CCDC78: variants seen among roughly 807,000 people sequenced by gnomAD.
CCDC78 encodes coiled-coil domain-containing protein 78.
A neutral mutation model predicts 61.9 loss-of-function variants in CCDC78; 78 were observed. The ratio of observed to expected loss-of-function variants is 1.26; its 90% CI spans 1.05 to 1.52. The LOEUF (loss-of-function observed/expected upper bound fraction) is 1.52, where lower values mean the gene tolerates loss of function less well. Among genes scored for constraint, CCDC78 ranks in the 40% most tolerant of loss-of-function variants. The pLI is 0.00. For synonymous variants in CCDC78, 287 were observed against 251.9 expected, an observed-to-expected ratio of 1.14 and a Z score of -1.32; for missense variants, 737 against 615.5, an observed-to-expected ratio of 1.20 and a Z score of -2.09.
At chr16:723,632 A>G (rs753857756) in intron 11 of CCDC78, 2 of 696,892 alleles carry the variant, frequency 2.9e-6, no homozygotes, top group South Asian at 3.0e-5. Flanking sequence ...CTCCGTGTTC[A>G]AGGCCAGCTC....
In CCDC78 at chr16:725,894, G is replaced by A. The variant is rs776154471; in HGVS notation, c.181-14C>T. On this transcript the variant is annotated splice_polypyrimidine_tract_variant and intron_variant, in intron 2 of 13. Transcript: ENST00000345165. The stretch of plus-strand genomic sequence containing the variant: ...CTCCTTGGAGATCTGTGGGTGGCCA[G>A]GTGAGAGGTGGCGTCTGTGGGCCCT... 1.1e-5 allele frequency: 17 copies of A among 1,604,472 alleles called. No homozygotes were observed. The highest frequency in any genetic ancestry group is 3.3e-4 in the Middle Eastern group (2 of 6,050).
chr16:723,773 G>A, intron 11 of CCDC78, 84 bp downstream of exon 11: 2 of 1,270,732 alleles, frequency 1.6e-6, no homozygotes, highest in Non-Finnish European at 2.2e-6. Flanking sequence ...GGGCTTGGTG[G>A]AGCAACTGGG....
chr16:723,945 GT>G lies in CCDC78; in HGVS notation c.1054-10del. ...GCCCCAGGCCCGCCGTGCTACAGAG[GT>G]TTGTGGTGGGGACGTTTCAGTTGGC... On this transcript the variant is annotated splice_polypyrimidine_tract_variant and intron_variant, in intron 10 of 13. Coordinates refer to ENST00000345165, the MANE Select transcript of CCDC78 (RefSeq NM_001378030.1). 1 of 1,602,856 alleles carries G rather than the reference GT, an allele frequency of 6.2e-7. No homozygotes were observed.
At chr16:726,276 A>G (rs2040930490) in intron 1 of CCDC78, 32 bp downstream of exon 1, 1 of 1,549,466 alleles carries the variant, frequency 6.5e-7, no homozygotes, top group Non-Finnish European at 8.7e-7. Context: ...CTTCAACCCC[A>G]TGGCAGGAGC....
At chr16:724,015 T>G (rs1010233950) in intron 10 of CCDC78, 79 bp from the exon 11 acceptor site, 55 of 1,584,924 alleles carry the variant, frequency 3.5e-5, no homozygotes, top group Non-Finnish European at 4.5e-5. Context: ...GAGGTCTCTG[T>G]TGAGCCCAGG....
chr16:726,548 G>T, upstream of CCDC78: 1 of 658,882 alleles, frequency 1.5e-6, no homozygotes. Flanking sequence ...AGGGAGGATA[G>T]CTCTTCCTCT....
rs532807407 is a variant in CCDC78, at chr16:723,087, C to T, written c.1200+8G>A. ...GAGGATGGGCCTGGGCCAGCCCTTG[C>T]CTCCTACCTGGGTGCTGCGGGAGAA... is the stretch of plus-strand genomic sequence containing the variant. On this transcript the variant is annotated splice_region_variant and intron_variant, in intron 12 of 13. Transcript: ENST00000345165. 4 of 1,612,758 alleles carry T rather than the reference C, an allele frequency of 2.5e-6. No individual in the cohort carries two copies. In the Admixed American group the frequency reaches 5.0e-5, roughly 20 times the overall value.
Position 724,312 on chromosome 16 carries a change from C to G in CCDC78, c.953+10G>C, listed in dbSNP as rs79863898. ...AGATGCCTGACACCTCCCATCCCAG[C>G]GGGGCCCACCTGTAGGCAACCAGTA... On this transcript the variant is annotated intron_variant, in intron 9 of 13. Transcript: ENST00000345165. The G allele has an allele frequency of 6.2e-7, 1 of 1,607,900 alleles. No homozygotes were observed. Among genetic ancestry groups the G allele is most frequent in the African/African-American group, 1.3e-5 (1 of 74,974 alleles).
chr16:725,322 A>T, intron 4 of CCDC78, 29 bp from the exon 5 acceptor site: 3 of 1,610,156 alleles, frequency 1.9e-6, no homozygotes, highest in Non-Finnish European at 1.7e-6. Flanking sequence ...AGGGAAAGCT[A>T]AGGGGTGGGT....
rs764699064 is a variant in CCDC78 at position 722,790 on chromosome 16, C to G, written c.1302-1G>C. The G allele has an allele frequency of 1.2e-6, 2 of 1,612,556 alleles. No homozygotes were observed. Among genetic ancestry groups the G allele is most frequent in the African/African-American group, 2.7e-5 (2 of 74,914 alleles). On this transcript the variant is annotated splice_acceptor_variant, in intron 13 of 13. Transcript: ENST00000345165. LOFTEE classifies it high-confidence loss of function. ...CAGCCTCAGGATTTCGTGCTTGTAC[C>G]TGCTCAGAGGAACCATGCTTAAGTG... is the stretch of plus-strand genomic sequence containing the variant.
At position 725,493 on chromosome 16, in the gene CCDC78, G is replaced by A; in HGVS notation, c.355C>T (p.Pro119Ser). 6.2e-7 allele frequency: 1 copy of A among 1,612,676 alleles called. No individual in the cohort carries two copies. Among genetic ancestry groups the A allele is most frequent in the Non-Finnish European group, 8.5e-7 (1 of 1,179,986 alleles). ...TGGGCTGCTGCCCGGGGATGCCTGG[G>A]GTCAGACTCCACTGGGACTGCACAG... ...QGCAVPVESD[P>S]RHPRAAAQEL... is the part of the protein sequence containing the mutation. Residue 119 changes from proline (P) to serine (S), a missense_variant, in exon 4 of 14, where the codon CCC becomes TCC. Physicochemically the swap from Pro to Ser is moderately conservative, Grantham distance 74 (BLOSUM62 -1). Coordinates refer to ENST00000345165, the MANE Select transcript of CCDC78 (RefSeq NM_001378030.1).
intron 11 of CCDC78, chr16:723,496 C>T: frequency 1.5e-6 from 1 of 675,574 alleles, no homozygotes; most frequent in Non-Finnish European, 2.7e-6. Context: ...GAGCCCTGCC[C>T]ATTGTACAGC....
rs1555487002 is a variant in CCDC78, at chr16:725,828, T to C, written c.233A>G (p.Gln78Arg). 6.2e-7 allele frequency: 1 copy of C among 1,611,126 alleles called. No homozygotes were observed. The highest frequency in any genetic ancestry group is 8.5e-7 in the Non-Finnish European group (1 of 1,178,820). Residue 78 changes from glutamine (Q) to arginine (R), a missense_variant, in exon 3 of 14, where the codon CAG becomes CGG. Physicochemically the swap from Gln to Arg is conservative, Grantham distance 43. Coordinates refer to ENST00000345165, the MANE Select transcript of CCDC78 (RefSeq NM_001378030.1). Reference sequence around the variant, plus strand: ...CAGCTGGAAGATTTCAGCCTCATGCTGCTCATGTAGGTGGTGGGTTGTGAT... The same window carrying C: ...CAGCTGGAAGATTTCAGCCTCATGCCGCTCATGTAGGTGGTGGGTTGTGAT... ...IQITTHHLHE[Q>R]HEAEIFQLKS... is the part of the protein sequence containing the mutation.
At position 722,643 on chromosome 16, in the gene CCDC78, G is replaced by A. The variant is rs1252817706; in HGVS notation, c.*35C>T. On this transcript the variant is annotated 3_prime_UTR_variant, in exon 14 of 14. Coordinates refer to ENST00000345165, the MANE Select transcript of CCDC78 (RefSeq NM_001378030.1). ...GGTGGGAGGGTTCTGTGCTGGCTGA[G>A]GAGCTCTGCTCTGCTCTGCTCCTTG... 3 of 1,591,802 alleles carry A rather than the reference G, an allele frequency of 1.9e-6. No individual in the cohort carries two copies. In the East Asian group the frequency reaches 6.7e-5, roughly 36 times the overall value.
At chr16:723,677 T>C (rs1335126062) in intron 11 of CCDC78, 180 bp downstream of exon 11, 1 of 705,682 alleles carries the variant, frequency 1.4e-6, no homozygotes, top group South Asian at 1.5e-5. Flanking sequence ...TTCCTGTGAT[T>C]ATCAGTGTCG....
chr16:722,805 A>G lies in CCDC78; in HGVS notation c.1302-16T>C, dbSNP rs1449479767. 2 of 1,612,466 alleles carry G rather than the reference A, an allele frequency of 1.2e-6. No homozygotes were observed. ...GTGCTTGTACCTGCTCAGAGGAACC[A>G]TGCTTAAGTGACTTGCCCAGCTGTG... On this transcript the variant is annotated splice_polypyrimidine_tract_variant and intron_variant, in intron 13 of 13. Coordinates refer to ENST00000345165, the MANE Select transcript of CCDC78 (RefSeq NM_001378030.1).
chr16:724,299 C>T lies in CCDC78; in HGVS notation c.953+23G>A, dbSNP rs1043057437. The stretch of plus-strand genomic sequence containing the variant: ...CTTAGAGACCCACAGATGCCTGACA[C>T]CTCCCATCCCAGCGGGGCCCACCTG... On this transcript the variant is annotated intron_variant, in intron 9 of 13. Coordinates refer to ENST00000345165, the MANE Select transcript of CCDC78 (RefSeq NM_001378030.1). 4.4e-6 allele frequency: 7 copies of T among 1,604,914 alleles called. No homozygotes were observed. In the Admixed American group the frequency reaches 5.0e-5, roughly 12 times the overall value.
intron 5 of CCDC78, 44 bp from the exon 6 acceptor site, chr16:725,189 G>C (rs1017515193): frequency 6.2e-7 from 1 of 1,611,578 alleles, no homozygotes; most frequent in African/African-American, 1.3e-5. Flanking sequence ...CTAGGCTTGG[G>C]GTCTCTGGTG....
In CCDC78 at chr16:723,338, C is replaced by T. The variant is rs575275180; in HGVS notation, c.1134-177G>A. ...GCCCCCCCCAGGCCTTGGAGCCATC[C>T]GTGTATAGGGACAGCCCGGGCCCAG... On this transcript the variant is annotated intron_variant, in intron 11 of 13. Transcript: ENST00000345165. 1.3e-4 allele frequency: 97 copies of T among 771,358 alleles called. 2 individuals are homozygous for T. The highest frequency in any genetic ancestry group is 1.2e-3 in the South Asian group (83 of 68,142). The allele number at this position is 771,358 out of a possible 1,614,324, so 47.8% of individuals were successfully genotyped here.
Sources: allele counts gnomAD v4.1 joint callset, GRCh38; gene constraint gnomAD v4.1.1; transcripts MANE v1.5; gene names NCBI Gene and HGNC (gene_info 2026-07-23, HGNC 2026-07-21).